The following GRM7 variants were observed in gnomAD, a reference collection of about 807,000 sequenced individuals.
GRM7 encodes the protein metabotropic glutamate receptor 7.
Under a neutral mutation model 84.5 loss-of-function variants are expected in GRM7, and 35 were observed. The observed-to-expected ratio is 0.41, with a 90% CI of 0.32 to 0.55. GRM7 has a LOEUF of 0.55. GRM7 is among the 20% of genes least tolerant of loss of function. The probability of loss-of-function intolerance (pLI) is 0.19; values close to 1 mark genes in which losing one functional copy is unlikely to be tolerated. For missense variants in GRM7, 1,003 were observed against 1,194.6 expected (o/e 0.84, Z 2.36); for synonymous variants, 487 against 455.1 (o/e 1.07, Z -0.89).
At chr3:7,156,856 T>A (rs1289681014) in intron 2 of GRM7, among the ~76,000 whole-genome samples, 2 of 152,106 alleles carry the variant, frequency 1.3e-5, no homozygotes, top group Non-Finnish European at 2.9e-5. Context: ...GTTTATTTAG[T>A]CTTCATTGGA....
At chr3:6,963,344 C>T (rs1297506344) in intron 1 of GRM7, among the ~76,000 whole-genome samples, 1 of 152,158 alleles carries the variant, frequency 6.6e-6, no homozygotes, top group African/African-American at 2.4e-5. Flanking sequence ...GAACAACATC[C>T]GAGTAATACT....
intron 8 of GRM7, among the ~76,000 whole-genome samples, chr3:7,674,879 A>G (rs1240955531): frequency 6.6e-6 from 1 of 152,256 alleles, no homozygotes; most frequent in Non-Finnish European, 1.5e-5. Context: ...AAACTAAAAA[A>G]TAGGTAAACC....
At chr3:7,570,952 C>A (rs1308825839) in intron 7 of GRM7, among the ~76,000 whole-genome samples, 6 of 152,204 alleles carry the variant, frequency 3.9e-5, no homozygotes, top group Admixed American at 3.9e-4. Flanking sequence ...TCCATGGAAG[C>A]TCCCAAGGCT....
intron 5 of GRM7, among the ~76,000 whole-genome samples, chr3:7,427,977 C>G (rs1465360031): frequency 6.6e-6 from 1 of 151,956 alleles, no homozygotes; most frequent in African/African-American, 2.4e-5. Flanking sequence ...TCCAAACTGT[C>G]CACCTGGGTT....
intron 4 of GRM7, among the ~76,000 whole-genome samples, chr3:7,407,046 C>A (rs1311726361): frequency 6.6e-6 from 1 of 152,152 alleles, no homozygotes; most frequent in African/African-American, 2.4e-5. Context: ...CTACCAACAA[C>A]AATAAAAACC....
chr3:6,985,457 T>A (rs1244836765), intron 1 of GRM7, among the ~76,000 whole-genome samples: 2 of 152,178 alleles, frequency 1.3e-5, no homozygotes, highest in East Asian at 3.8e-4. Context: ...ACATGTGATG[T>A]TTGTCTGTCT....
At chr3:7,217,851 T>G (rs1194883976) in intron 2 of GRM7, among the ~76,000 whole-genome samples, 1 of 72,572 alleles carries the variant, frequency 1.4e-5, no homozygotes, top group Non-Finnish European at 2.7e-5. Context: ...GTGTATATAT[T>G]ATGTTTAAAA....
intron 9 of GRM7, chr3:7,691,148 TG>T (rs756101432): frequency 2.4e-5 from 12 of 496,746 alleles, no homozygotes; most frequent in African/African-American, 4.0e-5. Flanking sequence ...ACTATTCTCA[TG>T]TTTTTTTTCA....
At chr3:7,654,441 T>C (rs1234889014) in intron 8 of GRM7, among the ~76,000 whole-genome samples, 3 of 152,216 alleles carry the variant, frequency 2.0e-5, no homozygotes, top group Admixed American at 1.3e-4. Flanking sequence ...GTCTTTTGTT[T>C]ATAAATGAAT....
intron 8 of GRM7, among the ~76,000 whole-genome samples, chr3:7,642,434 G>A (rs1258126906): frequency 6.6e-6 from 1 of 152,116 alleles, no homozygotes; most frequent in African/African-American, 2.4e-5. Flanking sequence ...ACAAACAAAT[G>A]AAATATTGAT....
intron 4 of GRM7, among the ~76,000 whole-genome samples, chr3:7,309,441 AT>A: frequency 6.6e-6 from 1 of 152,134 alleles, no homozygotes; most frequent in South Asian, 2.1e-4. Flanking sequence ...TTCATATTGA[AT>A]TATGCTGGGG....
At chr3:7,458,499 A>G (rs1698111135) in intron 6 of GRM7, among the ~76,000 whole-genome samples, 2 of 152,244 alleles carry the variant, frequency 1.3e-5, no homozygotes, top group Admixed American at 6.5e-5. Context: ...AATCCATCAA[A>G]AAGGCCAAAC....
intron 7 of GRM7, among the ~76,000 whole-genome samples, chr3:7,531,091 G>C (rs1239726397): frequency 6.6e-6 from 1 of 152,162 alleles, no homozygotes; most frequent in Non-Finnish European, 1.5e-5. Context: ...TTATGTTTAA[G>C]TCTTTAATCA....
At position 7,470,706 on chromosome 3, in the gene GRM7, A is replaced by T. The variant is rs529417972; in HGVS notation, c.1515+8984A>T. ...CCATTACTATCTGCATTTTGGGCTC[A>T]GGCAAAATATATATGAAAAAAGAAA... On this transcript the variant is annotated intron_variant, in intron 7 of 9. Coordinates refer to ENST00000357716, the MANE Select transcript of GRM7 (RefSeq NM_000844.4). Among the ~76,000 whole-genome samples, 9 of 152,296 alleles carry T rather than the reference A, an allele frequency of 5.9e-5. No individual in the cohort carries two copies. In the East Asian group the frequency reaches 1.5e-3, roughly 26 times the overall value.
At chr3:7,575,923 G>A (rs1432216787) in intron 7 of GRM7, among the ~76,000 whole-genome samples, 1 of 152,132 alleles carries the variant, frequency 6.6e-6, no homozygotes, top group African/African-American at 2.4e-5. Context: ...ATAATGAGTT[G>A]GCAGCATTTT....
chr3:7,306,022 C>G (rs1700183281), intron 3 of GRM7, among the ~76,000 whole-genome samples: 1 of 152,096 alleles, frequency 6.6e-6, no homozygotes, highest in South Asian at 2.1e-4. Context: ...ACATGGAGTT[C>G]TGTTTATTTT....
chr3:7,490,952 A>G (rs1358206868), intron 7 of GRM7, among the ~76,000 whole-genome samples: 1 of 151,928 alleles, frequency 6.6e-6, no homozygotes, highest in Non-Finnish European at 1.5e-5. Context: ...AAAAAATTGT[A>G]TTATCTAAAA....
intron 8 of GRM7, among the ~76,000 whole-genome samples, chr3:7,629,241 A>G (rs770164431): frequency 6.6e-6 from 1 of 152,226 alleles, no homozygotes. Flanking sequence ...CTATATAACC[A>G]AAGCAAAGAG....
intron 9 of GRM7, among the ~76,000 whole-genome samples, chr3:7,685,460 G>A (rs113701229): frequency 0.032 from 4,829 of 152,050 alleles, 130 homozygotes; most frequent in South Asian, 0.084. Flanking sequence ...GATGGCAGGC[G>A]GGTGGACAGC....
Sources: allele counts gnomAD v4.1 joint callset (sites outside exome capture counted in the v4.1 genomes callset), GRCh38; gene constraint gnomAD v4.1.1; transcripts MANE v1.5; gene names NCBI Gene and HGNC (gene_info 2026-07-23, HGNC 2026-07-21).